The following CYTH3 variants were observed in gnomAD, a reference collection of about 807,000 sequenced individuals.
CYTH3 encodes cytohesin 3, also known as cytohesin-3.
CYTH3 carries 23 observed loss-of-function variants against 55.1 expected under a neutral mutation model. The ratio of observed to expected loss-of-function variants is 0.42; its 90% CI spans 0.30 to 0.59. The LOEUF (loss-of-function observed/expected upper bound fraction) is 0.59, where lower values mean the gene tolerates loss of function less well. CYTH3 is among the 20% of genes least tolerant of loss of function. The pLI is 0.20. For missense variants in CYTH3, 413 were observed against 524.8 expected (o/e 0.79, Z 2.08); for synonymous variants, 249 against 194.9 (o/e 1.28, Z -2.31).
At chr7:6,266,242 C>G (rs1017284319) in intron 1 of CYTH3, among the ~76,000 whole-genome samples, 6 of 152,218 alleles carry the variant, frequency 3.9e-5, no homozygotes, top group African/African-American at 1.2e-4. Flanking sequence ...GTTGAGAATA[C>G]GGATTCTGAA....
At chr7:6,185,482 G>A (rs558676858) in intron 4 of CYTH3, among the ~76,000 whole-genome samples, 15 of 152,180 alleles carry the variant, frequency 9.9e-5, no homozygotes, top group African/African-American at 3.1e-4. Flanking sequence ...AGATCACAAG[G>A]TCAGGAGATC....
intron 1 of CYTH3, among the ~76,000 whole-genome samples, chr7:6,193,600 GA>G (rs1278431013): frequency 6.6e-6 from 1 of 152,202 alleles, no homozygotes; most frequent in Non-Finnish European, 1.5e-5. Flanking sequence ...TAATTTACGT[GA>G]GAGAATCCCC....
In CYTH3 at chr7:6,251,270, C is replaced by T. The variant is rs549563581; in HGVS notation, c.34+21204G>A. 6.0e-5 allele frequency among the ~76,000 whole-genome samples: 9 copies of T among 151,052 alleles called. No homozygotes were observed. The South Asian group carries it at 1.3e-3, about 21-fold the overall frequency. Reference sequence around the variant, plus strand: ...AGCCTGGGCAACAAGAGCGAAACACCGTCTCAAAAAAAATAAATAAAATAA... The same window carrying T: ...AGCCTGGGCAACAAGAGCGAAACACTGTCTCAAAAAAAATAAATAAAATAA... On this transcript the variant is annotated intron_variant, in intron 1 of 12. Transcript: ENST00000350796.
At chr7:6,242,372 G>A (rs1193608968) in intron 1 of CYTH3, among the ~76,000 whole-genome samples, 1 of 120,036 alleles carries the variant, frequency 8.3e-6, no homozygotes, top group Non-Finnish European at 1.6e-5. Context: ...CACCGCGCCT[G>A]GCATTTTTTT....
chr7:6,239,476 A>G (rs1340674690), intron 1 of CYTH3, among the ~76,000 whole-genome samples: 1 of 152,204 alleles, frequency 6.6e-6, no homozygotes, highest in Non-Finnish European at 1.5e-5. Context: ...ACATCTCCAT[A>G]TGGAGGGTCC....
Position 6,259,801 on chromosome 7 carries a change from ATATAT to A in CYTH3, c.34+12668_34+12672del, listed in dbSNP as rs1562417868. On this transcript the variant is annotated intron_variant, in intron 1 of 12. Transcript: ENST00000350796. Reference sequence around the variant, plus strand: ...ATATATATAATATATATATATATATATATATATATATAATATATATATATATATAT... The same window carrying A: ...ATATATATAATATATATATATATATAATATATAATATATATATATATATAT... Among the ~76,000 whole-genome samples the A allele has an allele frequency of 9.5e-4, 23 of 24,094 alleles. 1 individual carries two copies. The highest frequency in any genetic ancestry group is 1.4e-3 in the Admixed American group (2 of 1,424). The allele number at this position is 24,094 out of a possible 152,430, so 15.8% of individuals were successfully genotyped here. A position where few individuals can be genotyped will look rare whatever the true frequency, so the allele number is the denominator to read the frequency against.
At chr7:6,201,938 G>T (rs558401313) in intron 1 of CYTH3, among the ~76,000 whole-genome samples, 4 of 152,236 alleles carry the variant, frequency 2.6e-5, no homozygotes, top group African/African-American at 9.6e-5. Flanking sequence ...CAGAACAACT[G>T]TTAGAAATAC....
intron 1 of CYTH3, among the ~76,000 whole-genome samples, chr7:6,231,211 G>A (rs1406286166): frequency 6.6e-6 from 1 of 152,216 alleles, no homozygotes; most frequent in Non-Finnish European, 1.5e-5. Context: ...TTAGTTAGTA[G>A]GGAACGCAGC....
intron 1 of CYTH3, among the ~76,000 whole-genome samples, chr7:6,259,750 ATATATATTATATATATATATAT>A (rs1562417241): frequency 1.0e-3 from 12 of 11,850 alleles, no homozygotes; most frequent in African/African-American, 3.2e-3. Context: ...TATAATATAT[ATATATATTATATATATATATAT>A]TATATATATA....
At chr7:6,204,072 T>C (rs1202871041) in intron 1 of CYTH3, among the ~76,000 whole-genome samples, 1 of 151,890 alleles carries the variant, frequency 6.6e-6, no homozygotes, top group Non-Finnish European at 1.5e-5. Context: ...GAAACCAATA[T>C]TAAGTTGAAA....
intron 1 of CYTH3, among the ~76,000 whole-genome samples, chr7:6,204,864 T>C (rs566984793): frequency 2.2e-4 from 34 of 152,284 alleles, no homozygotes; most frequent in South Asian, 1.9e-3. Flanking sequence ...TAAAAATCAA[T>C]TGCAAAACAG....
rs1465336689 is a variant in CYTH3 at position 6,164,816 on chromosome 7, G to A, written c.*128C>T. On this transcript the variant is annotated 3_prime_UTR_variant, in exon 13 of 13. Transcript: ENST00000350796. ...CCTTGGGGATACCACCTGGGCCACG[G>A]TATGCTCTGGAGCAGCAGCTTGCAC... The A allele has an allele frequency of 8.5e-6, 9 of 1,064,538 alleles. No homozygotes were observed. The highest frequency in any genetic ancestry group is 1.3e-5 in the Non-Finnish European group (9 of 702,906). The allele number at this position is 1,064,538 out of a possible 1,614,324, so 65.9% of individuals were successfully genotyped here.
At chr7:6,196,866 TCAA>T (rs1180624220) in intron 1 of CYTH3, among the ~76,000 whole-genome samples, 2 of 152,244 alleles carry the variant, frequency 1.3e-5, no homozygotes, top group African/African-American at 2.4e-5. Flanking sequence ...ATCAAGTCTG[TCAA>T]CAACATTTAC....
intron 1 of CYTH3, among the ~76,000 whole-genome samples, chr7:6,195,139 A>T (rs1313732915): frequency 6.6e-6 from 1 of 152,112 alleles, no homozygotes. Context: ...GTTATGCCTA[A>T]AAAAAGAGAA....
At chr7:6,190,366 TTTTGTGAGGCTAC>T in intron 2 of CYTH3, 70 bp downstream of exon 2, 1 of 1,009,922 alleles carries the variant, frequency 9.9e-7, no homozygotes, top group South Asian at 2.0e-5. Context: ...TTTTTTACAT[TTTTGTGAGGCTAC>T]TCTTTTACTA....
intron 1 of CYTH3, among the ~76,000 whole-genome samples, chr7:6,252,230 T>C (rs1779989431): frequency 6.6e-6 from 1 of 152,226 alleles, no homozygotes; most frequent in Non-Finnish European, 1.5e-5. Flanking sequence ...CACAGATCCT[T>C]GCTATCTCTA....
chr7:6,249,888 A>C (rs1026678289), intron 1 of CYTH3, among the ~76,000 whole-genome samples: 4 of 152,128 alleles, frequency 2.6e-5, no homozygotes, highest in Non-Finnish European at 2.9e-5. Flanking sequence ...ACTTAAAATC[A>C]CTCTGCAAAT....
intron 3 of CYTH3, 35 bp downstream of exon 3, chr7:6,187,622 G>C: frequency 6.4e-7 from 1 of 1,574,142 alleles, no homozygotes; most frequent in Non-Finnish European, 8.7e-7. Flanking sequence ...AAAGAAAAGA[G>C]TAAATAGCTT....
intron 5 of CYTH3, among the ~76,000 whole-genome samples, chr7:6,175,418 G>C (rs910787810): frequency 4.6e-5 from 7 of 151,930 alleles, no homozygotes; most frequent in Non-Finnish European, 1.0e-4. Context: ...AAATTGTCTT[G>C]GTACCTGGTT....
Sources: gnomAD v4.1 joint callset for allele counts (sites outside exome capture counted in the v4.1 genomes callset) on GRCh38, gnomAD v4.1.1 for gene constraint, MANE v1.5 for transcripts, NCBI Gene and HGNC (gene_info 2026-07-23, HGNC 2026-07-21) for gene names.